RASAL2: variants seen among roughly 807,000 people sequenced by gnomAD.
RASAL2 encodes ras GTPase-activating protein nGAP.
A neutral mutation model predicts 128.9 loss-of-function variants in RASAL2; 58 were observed. The ratio of observed to expected loss-of-function variants is 0.45; its 90% CI spans 0.36 to 0.56. The LOEUF is 0.56. Among genes scored for constraint, RASAL2 ranks in the 20% least tolerant of loss-of-function variants. The pLI, the probability that RASAL2 is intolerant of heterozygous loss-of-function variation, is 0.00. For missense variants in RASAL2, 1,360 were observed against 1,601.6 expected (o/e 0.85, Z 2.57); for synonymous variants, 561 against 580.8 (o/e 0.97, Z 0.49).
rs1230467417 is a variant in RASAL2 at position 178,366,590 on chromosome 1, C to A, written c.458-23510C>A. 3.0e-5 allele frequency among the ~76,000 whole-genome samples: 3 copies of A among 101,348 alleles called. 1 individual carries two copies. Among genetic ancestry groups the A allele is most frequent in the South Asian group, 8.3e-4 (2 of 2,410 alleles). The allele number at this position is 101,348 out of a possible 152,430, so 66.5% of individuals were successfully genotyped here. On this transcript the variant is annotated intron_variant, in intron 3 of 17. Transcript: ENST00000367649. ...AATTACTTGGTACCTCCCACCCCCC[C>A]CCGCCAAAAAAAAACACAGATTATA...
chr1:178,466,168 A>G, intron 16 of RASAL2, 46 bp downstream of exon 16: 1 of 1,491,042 alleles, frequency 6.7e-7, no homozygotes, highest in South Asian at 1.4e-5. Flanking sequence ...AGCAAGACAA[A>G]GAATTGAGAT....
intron 3 of RASAL2, 99 bp from the exon 4 acceptor site, chr1:178,390,001 A>C (rs2102603590): frequency 1.4e-6 from 1 of 732,392 alleles, no homozygotes; most frequent in Non-Finnish European, 2.3e-6. Flanking sequence ...CCTTTAAAGC[A>C]TGCTGGTTTA....
At position 178,470,636 on chromosome 1, in the gene RASAL2, C is replaced by A. The variant is rs550069232; in HGVS notation, c.3679-2439C>A. ...GAGAAGGGCTTCCTCCTATGAGAAG[C>A]AAAAGCAGCTGCCTAGTTACTGTTG... is the stretch of plus-strand genomic sequence containing the variant. On this transcript the variant is annotated intron_variant, in intron 17 of 17. Transcript: ENST00000367649. The A allele has an allele frequency of 2.4e-5, 31 of 1,316,440 alleles. No homozygotes were observed. The South Asian group carries it at 2.9e-4, about 12-fold the overall frequency. The allele number at this position is 1,316,440 out of a possible 1,614,324, so 81.5% of individuals were successfully genotyped here. A position where few individuals can be genotyped will look rare whatever the true frequency, so the allele number is the denominator to read the frequency against.
intron 3 of RASAL2, among the ~76,000 whole-genome samples, chr1:178,308,613 A>C (rs899560569): frequency 6.8e-6 from 1 of 146,982 alleles, no homozygotes; most frequent in Non-Finnish European, 1.5e-5. Flanking sequence ...TGGTGTAATC[A>C]TGACTCACTG....
intron 5 of RASAL2, among the ~76,000 whole-genome samples, chr1:178,439,076 A>G (rs1676456264): frequency 6.6e-6 from 1 of 152,100 alleles, no homozygotes; most frequent in African/African-American, 2.4e-5. Flanking sequence ...AATATATAAG[A>G]TAACCTTAAA....
chr1:178,168,705 C>G (rs1169972168), intron 1 of RASAL2, among the ~76,000 whole-genome samples: 1 of 152,112 alleles, frequency 6.6e-6, no homozygotes, highest in East Asian at 1.9e-4. Context: ...TATGTTCAAT[C>G]TCACAGCAGT....
intron 4 of RASAL2, chr1:178,411,933 A>G (rs377552359): frequency 1.6e-6 from 1 of 644,590 alleles, no homozygotes. Flanking sequence ...GAGTATGAAG[A>G]TCAGGCAGAT....
intron 4 of RASAL2, among the ~76,000 whole-genome samples, chr1:178,416,942 A>G (rs1674796902): frequency 6.8e-6 from 1 of 146,322 alleles, no homozygotes. Context: ...TATATGCCTC[A>G]GTGTAGTTTT....
intron 1 of RASAL2, among the ~76,000 whole-genome samples, chr1:178,203,150 T>C (rs919505592): frequency 6.6e-6 from 1 of 152,208 alleles, no homozygotes; most frequent in African/African-American, 2.4e-5. Context: ...CTGCACATAA[T>C]GCTTCTACCA....
intron 1 of RASAL2, among the ~76,000 whole-genome samples, chr1:178,150,593 G>A (rs1660878803): frequency 6.6e-6 from 1 of 152,130 alleles, no homozygotes; most frequent in Non-Finnish European, 1.5e-5. Flanking sequence ...TTTAATTCAA[G>A]TATTTCAATA....
At chr1:178,311,044 T>G (rs1184628836) in intron 3 of RASAL2, among the ~76,000 whole-genome samples, 1 of 152,082 alleles carries the variant, frequency 6.6e-6, no homozygotes, top group East Asian at 1.9e-4. Flanking sequence ...GAAACCACTG[T>G]GGTGGTTGGA....
chr1:178,278,830 A>G (rs1405907897), intron 1 of RASAL2, among the ~76,000 whole-genome samples: 1 of 152,124 alleles, frequency 6.6e-6, no homozygotes, highest in African/African-American at 2.4e-5. Context: ...GTGTGTTCCT[A>G]TACTGAAATT....
At chr1:178,320,492 G>A (rs987059852) in intron 3 of RASAL2, among the ~76,000 whole-genome samples, 6 of 152,094 alleles carry the variant, frequency 3.9e-5, no homozygotes, top group African/African-American at 1.4e-4. Context: ...ATATAGTCTC[G>A]TGGTGCGCCG....
chr1:178,252,589 T>G (rs1665104842), intron 1 of RASAL2, among the ~76,000 whole-genome samples: 1 of 152,126 alleles, frequency 6.6e-6, no homozygotes, highest in Non-Finnish European at 1.5e-5. Context: ...AAAATGCTAC[T>G]AAAGAAAGAG....
intron 1 of RASAL2, among the ~76,000 whole-genome samples, chr1:178,236,873 C>T (rs1441757620): frequency 2.0e-5 from 3 of 150,514 alleles, no homozygotes; most frequent in Non-Finnish European, 4.4e-5. Flanking sequence ...AAGTGGTTCT[C>T]CTGCCTCAGC....
At chr1:178,155,536 A>G (rs1405938471) in intron 1 of RASAL2, among the ~76,000 whole-genome samples, 1 of 151,978 alleles carries the variant, frequency 6.6e-6, no homozygotes, top group Non-Finnish European at 1.5e-5. Context: ...CTTAAAAAAA[A>G]TCTGTTACTG....
rs551699071 is a variant in RASAL2 at position 178,355,829 on chromosome 1, A to G, written c.458-34271A>G. 1.3e-5 allele frequency among the ~76,000 whole-genome samples: 2 copies of G among 152,346 alleles called. 1 individual carries two copies. Among genetic ancestry groups the G allele is most frequent in the South Asian group, 4.1e-4 (2 of 4,830 alleles). ...CAAAAGAATATAACCAAATGGCTGT[A>G]TACATTTAAAGAGGTGCTCAGCCTT... On this transcript the variant is annotated intron_variant, in intron 3 of 17. Coordinates refer to ENST00000367649, the MANE Select transcript of RASAL2 (RefSeq NM_170692.4).
chr1:178,389,374 A>G (rs1421674731), intron 3 of RASAL2: 1 of 581,552 alleles, frequency 1.7e-6, no homozygotes, highest in Admixed American at 6.4e-5. Context: ...ACATGTATAT[A>G]TATATCACTC....
chr1:178,434,053 TC>T (rs1207200786), intron 5 of RASAL2, among the ~76,000 whole-genome samples: 3 of 152,132 alleles, frequency 2.0e-5, no homozygotes, highest in Admixed American at 2.0e-4. Flanking sequence ...AAAGCTGTAG[TC>T]TGTCCACTCT....
Sources: allele counts gnomAD v4.1 joint callset (sites outside exome capture counted in the v4.1 genomes callset), GRCh38; gene constraint gnomAD v4.1.1; transcripts MANE v1.5; gene names NCBI Gene and HGNC (gene_info 2026-07-23, HGNC 2026-07-21).